Variants in RAP2A observed in about 807,000 individuals in gnomAD.
RAP2A encodes the protein RAP2A, member of RAS oncogene family, also known as ras-related protein Rap-2a.
In RAP2A, 5 loss-of-function variants were observed where a neutral mutation model predicts 15.1. That is an observed-to-expected ratio of 0.33 (90% confidence interval 0.17 to 0.70). The LOEUF (loss-of-function observed/expected upper bound fraction) is 0.70. Among genes scored for constraint, RAP2A ranks in the 30% least tolerant of loss-of-function variants. The pLI is 0.68. For synonymous variants in RAP2A, 110 were observed against 99.7 expected (o/e 1.10, Z -0.62); for missense variants, 111 against 240.3 (o/e 0.46, Z 3.56).
chr13:97,453,548 T>C (rs961843956), intron 1 of RAP2A, among the ~76,000 whole-genome samples: 1 of 151,416 alleles, frequency 6.6e-6, no homozygotes, highest in African/African-American at 2.4e-5. Context: ...GTGTTGTGTG[T>C]ATCCATAGGT....
At chr13:97,447,969 G>A (rs61972801) in intron 1 of RAP2A, among the ~76,000 whole-genome samples, 8 of 150,974 alleles carry the variant, frequency 5.3e-5, no homozygotes, top group African/African-American at 2.0e-4. Flanking sequence ...CAGAGTTCTT[G>A]GGTTTTTTTT....
Sources: gnomAD v4.1 joint callset for allele counts (sites outside exome capture counted in the v4.1 genomes callset) on GRCh38, gnomAD v4.1.1 for gene constraint, MANE v1.5 for transcripts, NCBI Gene and HGNC (gene_info 2026-07-23, HGNC 2026-07-21) for gene names.